The following PTPRT variants were observed in gnomAD, a reference collection of about 807,000 sequenced individuals.
PTPRT encodes the protein protein tyrosine phosphatase receptor type T, also known as receptor-type tyrosine-protein phosphatase T.
A neutral mutation model predicts 176.8 loss-of-function variants in PTPRT; 56 were observed. The ratio of observed to expected loss-of-function variants is 0.32; its 90% CI spans 0.26 to 0.40. PTPRT has a LOEUF of 0.40. Ranked by LOEUF, PTPRT falls within the 10% of genes least tolerant of loss-of-function variation. PTPRT has a pLI of 1.00. For missense variants in PTPRT, 1,540 were observed against 1,908.2 expected (o/e 0.81, Z 3.60); for synonymous variants, 783 against 739.0 (o/e 1.06, Z -0.96).
chr20:42,328,862 TATC>T (rs889946843), intron 11 of PTPRT, among the ~76,000 whole-genome samples: 26 of 152,118 alleles, frequency 1.7e-4, no homozygotes, highest in Non-Finnish European at 2.6e-4. Flanking sequence ...GACATAAAAT[TATC>T]ATTATTCATA....
chr20:42,577,833 A>G (rs113006469), intron 7 of PTPRT, among the ~76,000 whole-genome samples: 1 of 128,380 alleles, frequency 7.8e-6, no homozygotes, highest in Non-Finnish European at 1.6e-5. Context: ...AGACCTGAGC[A>G]AGGCTGTGTG....
chr20:43,107,429 T>G (rs1208089711), intron 1 of PTPRT, among the ~76,000 whole-genome samples: 1 of 152,168 alleles, frequency 6.6e-6, no homozygotes, highest in African/African-American at 2.4e-5. Flanking sequence ...CAATACAACT[T>G]GAAGAGTTTC....
intron 11 of PTPRT, among the ~76,000 whole-genome samples, chr20:42,324,707 T>G (rs1170544259): frequency 1.3e-5 from 2 of 152,212 alleles, no homozygotes. Flanking sequence ...CAACAGAATC[T>G]AGCTTTGCAA....
rs545830216 is a variant in PTPRT, at chr20:42,479,533, A to G, written c.1154-6971T>C. Among the ~76,000 whole-genome samples the G allele has an allele frequency of 7.9e-5, 12 of 152,350 alleles. No homozygotes were observed. The East Asian group carries it at 2.3e-3, about 29-fold the overall frequency. On this transcript the variant is annotated intron_variant, in intron 7 of 30. Transcript: ENST00000373187. ...AGGGAATAAAAAGGTAAGGGGAACA[A>G]AAATAAAATCCATCTTCTTTCCAGC... is the stretch of plus-strand genomic sequence containing the variant.
chr20:42,298,595 A>G (rs554104785), intron 12 of PTPRT, among the ~76,000 whole-genome samples: 13 of 152,332 alleles, frequency 8.5e-5, no homozygotes, highest in African/African-American at 3.1e-4. Context: ...ATAGCCACAC[A>G]TGAGAGTGGC....
At chr20:42,313,341 G>T (rs1308838540) in intron 12 of PTPRT, among the ~76,000 whole-genome samples, 1 of 152,104 alleles carries the variant, frequency 6.6e-6, no homozygotes, top group Non-Finnish European at 1.5e-5. Context: ...TAATAAACTT[G>T]CTTTCACTTC....
At chr20:42,753,954 T>A (rs533944338) in intron 6 of PTPRT, among the ~76,000 whole-genome samples, 3 of 152,246 alleles carry the variant, frequency 2.0e-5, no homozygotes, top group African/African-American at 7.2e-5. Context: ...GTCACATTCT[T>A]TTGCCACCAA....
intron 13 of PTPRT, among the ~76,000 whole-genome samples, chr20:42,273,045 C>T (rs2056966373): frequency 6.6e-6 from 1 of 152,184 alleles, no homozygotes; most frequent in Admixed American, 6.5e-5. Context: ...CCACCAGTGA[C>T]ATCCTGATTT....
At chr20:42,510,803 A>G (rs550922456) in intron 7 of PTPRT, among the ~76,000 whole-genome samples, 1 of 152,290 alleles carries the variant, frequency 6.6e-6, no homozygotes, top group East Asian at 1.9e-4. Flanking sequence ...CAGCCAGAGA[A>G]GCAATAAAAA....
chr20:42,321,523 A>G (rs1478366248), intron 11 of PTPRT, among the ~76,000 whole-genome samples: 2 of 152,208 alleles, frequency 1.3e-5, no homozygotes. Flanking sequence ...TGGAAGACAC[A>G]CTGATTTGAG....
intron 7 of PTPRT, among the ~76,000 whole-genome samples, chr20:42,631,483 G>A (rs2074404275): frequency 6.6e-6 from 1 of 152,130 alleles, no homozygotes. Context: ...TGTTTTAAGT[G>A]GTTTCCGTGG....
At chr20:43,070,505 G>T (rs1255105480) in intron 1 of PTPRT, among the ~76,000 whole-genome samples, 1 of 152,118 alleles carries the variant, frequency 6.6e-6, no homozygotes, top group Non-Finnish European at 1.5e-5. Context: ...AAATCATGCT[G>T]CTATAAAAAC....
chr20:42,811,738 T>C (rs888592123), intron 2 of PTPRT, among the ~76,000 whole-genome samples: 2 of 152,184 alleles, frequency 1.3e-5, no homozygotes, highest in Non-Finnish European at 2.9e-5. Flanking sequence ...CATACCCTGA[T>C]CTATAACTGT....
At chr20:42,685,356 A>G (rs1351526675) in intron 6 of PTPRT, 1 of 152,174 alleles carries the variant, frequency 6.6e-6, no homozygotes, top group East Asian at 1.9e-4. Context: ...GAATTGTGAT[A>G]TAAGAATGAT....
chr20:42,125,607 TACA>T (rs1987815633), intron 19 of PTPRT, among the ~76,000 whole-genome samples: 1 of 152,242 alleles, frequency 6.6e-6, no homozygotes, highest in East Asian at 1.9e-4. Context: ...GCTCTTAACC[TACA>T]GCTCTGGTTT....
At chr20:42,810,657 A>C (rs544003111) in intron 2 of PTPRT, among the ~76,000 whole-genome samples, 1 of 152,342 alleles carries the variant, frequency 6.6e-6, no homozygotes, top group South Asian at 2.1e-4. Flanking sequence ...GGATGGAAGG[A>C]TTTCCAGATT....
At chr20:42,406,492 A>C (rs778245533) in intron 9 of PTPRT, among the ~76,000 whole-genome samples, 12 of 152,136 alleles carry the variant, frequency 7.9e-5, no homozygotes, top group Non-Finnish European at 1.2e-4. Flanking sequence ...ACAGTTTAAG[A>C]AAGTTATTTA....
At chr20:43,145,529 C>T (rs1190469026) in intron 1 of PTPRT, among the ~76,000 whole-genome samples, 1 of 152,160 alleles carries the variant, frequency 6.6e-6, no homozygotes, top group Non-Finnish European at 1.5e-5. Flanking sequence ...CATCTCATAC[C>T]CAAGCAATTC....
chr20:42,303,157 C>T (rs758226684), intron 12 of PTPRT, among the ~76,000 whole-genome samples: 5 of 152,210 alleles, frequency 3.3e-5, no homozygotes, highest in Admixed American at 6.5e-5. Context: ...CCCTGCGCAG[C>T]TCTTATCTGA....
Sources: allele counts gnomAD v4.1 joint callset (sites outside exome capture counted in the v4.1 genomes callset), GRCh38; gene constraint gnomAD v4.1.1; transcripts MANE v1.5; gene names NCBI Gene and HGNC (gene_info 2026-07-23, HGNC 2026-07-21).